Variants in EFNB2 observed in about 807,000 individuals in gnomAD.
EFNB2 encodes ephrin B2, also known as ephrin-B2.
A neutral mutation model predicts 32.1 loss-of-function variants in EFNB2; 5 were observed. That is an observed-to-expected ratio of 0.16 (90% CI 0.08 to 0.33). The LOEUF (loss-of-function observed/expected upper bound fraction) is 0.33, where lower values mean the gene tolerates loss of function less well. Among genes scored for constraint, EFNB2 ranks in the 10% least tolerant of loss-of-function variants. EFNB2 has a pLI of 1.00. For synonymous variants in EFNB2, 168 were observed against 166.5 expected, an observed-to-expected ratio of 1.01 and a Z score of -0.07; for missense variants, 263 against 422.6, an observed-to-expected ratio of 0.62 and a Z score of 3.31.
intron 1 of EFNB2, chr13:106,521,431 T>C (rs1879516337): frequency 6.6e-6 from 1 of 152,166 alleles, no homozygotes; most frequent in African/African-American, 2.4e-5. Context: ...TAAAGGAAAG[T>C]TTTATTTGTC....
chr13:106,521,426 G>T (rs553912287), intron 1 of EFNB2: 3 of 152,280 alleles, frequency 2.0e-5, no homozygotes, highest in African/African-American at 7.2e-5. Flanking sequence ...CAGTCTAAAG[G>T]AAAGTTTTAT....
At chr13:106,504,562 G>A (rs1394986386) in intron 2 of EFNB2, among the ~76,000 whole-genome samples, 2 of 152,158 alleles carry the variant, frequency 1.3e-5, no homozygotes, top group East Asian at 3.9e-4. Flanking sequence ...TATCCTCTAA[G>A]AATCCAGAGC....
chr13:106,499,996 G>A (rs1022235698), intron 2 of EFNB2, among the ~76,000 whole-genome samples: 4 of 152,116 alleles, frequency 2.6e-5, no homozygotes, highest in Non-Finnish European at 4.4e-5. Flanking sequence ...TGCCATCTGC[G>A]GTTTGCCATC....
chr13:106,515,332 G>A (rs929797189), intron 1 of EFNB2, among the ~76,000 whole-genome samples: 2 of 152,134 alleles, frequency 1.3e-5, no homozygotes, highest in African/African-American at 4.8e-5. Flanking sequence ...AGTGTGTACT[G>A]TCCAACTTTG....
intron 2 of EFNB2, among the ~76,000 whole-genome samples, chr13:106,508,784 C>A (rs892187711): frequency 9.9e-5 from 15 of 152,254 alleles, no homozygotes; most frequent in African/African-American, 3.4e-4. Flanking sequence ...AACAAATAAC[C>A]ATCTATGAGA....
At chr13:106,522,117 A>G (rs1346508596) in intron 1 of EFNB2, among the ~76,000 whole-genome samples, 1 of 152,112 alleles carries the variant, frequency 6.6e-6, no homozygotes, top group East Asian at 1.9e-4. Context: ...GCTAGATAAG[A>G]AAAAATGTGG....
intron 2 of EFNB2, among the ~76,000 whole-genome samples, chr13:106,497,733 GTTC>G (rs1198678610): frequency 6.6e-6 from 1 of 151,750 alleles, no homozygotes; most frequent in Non-Finnish European, 1.5e-5. Context: ...ATTTTTTTCA[GTTC>G]TTCATTCTGC....
intron 1 of EFNB2, chr13:106,519,112 C>T (rs140039465): frequency 7.9e-5 from 12 of 151,960 alleles, no homozygotes; most frequent in Non-Finnish European, 1.8e-4. Context: ...GAGATCAGAA[C>T]AAAAAAGATA....
At chr13:106,524,041 A>G (rs182369769) in intron 1 of EFNB2, among the ~76,000 whole-genome samples, 128 of 152,320 alleles carry the variant, frequency 8.4e-4, no homozygotes, top group African/African-American at 2.9e-3. Context: ...ATGCATGACT[A>G]TTATGTATTG....
At chr13:106,531,745 A>T (rs1879878253) in intron 1 of EFNB2, among the ~76,000 whole-genome samples, 1 of 150,234 alleles carries the variant, frequency 6.7e-6, no homozygotes. Flanking sequence ...AATTAGTATC[A>T]GGAATCCAGT....
intron 4 of EFNB2, among the ~76,000 whole-genome samples, chr13:106,494,474 A>G (rs1878523936): frequency 6.6e-6 from 1 of 152,268 alleles, no homozygotes; most frequent in African/African-American, 2.4e-5. Flanking sequence ...TTACCATTTA[A>G]AATTTAGAAG....
intron 1 of EFNB2, among the ~76,000 whole-genome samples, chr13:106,513,180 T>C (rs910144112): frequency 6.6e-6 from 1 of 152,214 alleles, no homozygotes; most frequent in Admixed American, 6.5e-5. Flanking sequence ...TTTTAACCAT[T>C]GGCAGCTTTA....
At chr13:106,495,705 C>CA in intron 3 of EFNB2, 43 bp downstream of exon 3, 1 of 1,586,574 alleles carries the variant, frequency 6.3e-7, no homozygotes, top group Non-Finnish European at 8.6e-7. Context: ...CTGGGGGCTA[C>CA]ACCAGGTCAC....
At position 106,534,713 on chromosome 13, in the gene EFNB2, G is replaced by A; in HGVS notation, c.122+130C>T. On this transcript the variant is annotated intron_variant, in intron 1 of 4. Transcript: ENST00000646441. Reference sequence around the variant, plus strand: ...CACCTAGTGAAATGGGGCGGGGGTTGGGGGTGGGGGACGGGGAACCGAGGT... The same window carrying A: ...CACCTAGTGAAATGGGGCGGGGGTTAGGGGTGGGGGACGGGGAACCGAGGT... 6.5e-6 allele frequency: 7 copies of A among 1,070,718 alleles called. 1 individual carries two copies. The South Asian group carries it at 1.1e-4, about 17-fold the overall frequency. The allele number at this position is 1,070,718 out of a possible 1,614,324, so 66.3% of individuals were successfully genotyped here.
chr13:106,495,056 C>A (rs1878543372), intron 3 of EFNB2, 62 bp from the exon 4 acceptor site: 1 of 1,306,732 alleles, frequency 7.7e-7, no homozygotes, highest in Non-Finnish European at 1.1e-6. Context: ...GCTTTAGGAG[C>A]TGCATATATA....
intron 1 of EFNB2, among the ~76,000 whole-genome samples, chr13:106,521,817 C>T (rs562426261): frequency 1.9e-4 from 28 of 149,150 alleles, no homozygotes; most frequent in African/African-American, 6.7e-4. Context: ...TTTATCTGTG[C>T]CATGATTTTC....
At position 106,493,414 on chromosome 13, in the gene EFNB2, C is replaced by G; in HGVS notation, c.628G>C (p.Gly210Arg). The change falls in exon 5 of 5, where the codon GGC becomes CGC. Residue 210 changes from glycine to arginine, a missense_variant. By Grantham distance (125) the Gly-to-Arg change is moderately radical (BLOSUM62 -2). Around this residue, in one of 3 missense-constraint regions of EFNB2, gnomAD observed 172 missense variants for 237.1 expected, o/e 0.73. Coordinates refer to ENST00000646441, the MANE Select transcript of EFNB2 (RefSeq NM_004093.4). The surrounding 1 kb of genome is among the most constrained non-coding windows in gnomAD (Gnocchi z 6.1). ...TTCCCCGAATGTCCGGCGCTGTTGC[C>G]GTCTGTGCTAGAACCTGCAGACGCG... ...VKPNPGSSTDGNSAGHSGNNI... is the reference protein window; with the variant it reads ...VKPNPGSSTDRNSAGHSGNNI... 6.2e-7 allele frequency: 1 copy of G among 1,612,258 alleles called. No homozygotes were observed. The highest frequency in any genetic ancestry group is 2.2e-5 in the East Asian group (1 of 44,840).
At chr13:106,532,827 G>C (rs539481582) in intron 1 of EFNB2, among the ~76,000 whole-genome samples, 82 of 151,752 alleles carry the variant, frequency 5.4e-4, no homozygotes, top group African/African-American at 1.6e-3. Flanking sequence ...CAGAATGGGG[G>C]GGGGGAGTGG....
At chr13:106,523,658 C>T (rs940691345) in intron 1 of EFNB2, among the ~76,000 whole-genome samples, 2 of 152,156 alleles carry the variant, frequency 1.3e-5, no homozygotes, top group Admixed American at 6.5e-5. Context: ...CAATATTCAC[C>T]GCCTGGCTTC....
Sources: allele counts gnomAD v4.1 joint callset (sites outside exome capture counted in the v4.1 genomes callset), GRCh38; gene constraint gnomAD v4.1.1; regional missense constraint gnomAD v4.1.1; non-coding constraint Gnocchi (gnomAD v3.1); transcripts MANE v1.5; gene names NCBI Gene and HGNC (gene_info 2026-07-23, HGNC 2026-07-21).